The following ELP4 variants were observed in gnomAD, a reference collection of about 807,000 sequenced individuals.
ELP4 encodes elongator acetyltransferase complex subunit 4, also known as elongator complex protein 4.
ELP4 carries 51 observed loss-of-function variants against 48.9 expected under a neutral mutation model. That is an observed-to-expected ratio of 1.04 (90% confidence interval 0.83 to 1.32). The LOEUF (loss-of-function observed/expected upper bound fraction) is 1.32. Ranked by LOEUF, ELP4 falls within the 40% of genes most tolerant of loss-of-function variation. ELP4 has a pLI of 0.00. For synonymous variants in ELP4, 210 were observed against 189.2 expected, an observed-to-expected ratio of 1.11 and a Z score of -0.90; for missense variants, 519 against 514.6, an observed-to-expected ratio of 1.01 and a Z score of -0.08.
intron 9 of ELP4, among the ~76,000 whole-genome samples, chr11:31,757,224 G>C (rs1301537027): frequency 6.6e-6 from 1 of 152,170 alleles, no homozygotes; most frequent in Non-Finnish European, 1.5e-5. Flanking sequence ...GGAAAACCAT[G>C]GAAGGGGTTA....
chr11:31,677,741 A>G (rs1351916219), intron 9 of ELP4, among the ~76,000 whole-genome samples: 1 of 152,204 alleles, frequency 6.6e-6, no homozygotes, highest in Non-Finnish European at 1.5e-5. Flanking sequence ...ATTGAAAAGA[A>G]AATATAGAGT....
intron 4 of ELP4, among the ~76,000 whole-genome samples, chr11:31,597,433 G>A (rs2133993123): frequency 6.6e-6 from 1 of 152,260 alleles, no homozygotes; most frequent in Middle Eastern, 3.4e-3. Flanking sequence ...TGAGTTAAGT[G>A]ATAGAAATCA....
intron 9 of ELP4, among the ~76,000 whole-genome samples, chr11:31,766,139 A>G (rs1948034996): frequency 6.6e-6 from 1 of 152,110 alleles, no homozygotes; most frequent in South Asian, 2.1e-4. Context: ...TATTTTAAAT[A>G]CAGATTAAAC....
At chr11:31,593,067 A>G (rs532022729) in intron 3 of ELP4, among the ~76,000 whole-genome samples, 6 of 152,350 alleles carry the variant, frequency 3.9e-5, no homozygotes, top group South Asian at 2.1e-4. Context: ...TTGTTGCCCA[A>G]TATTGACAAT....
chr11:31,655,839 A>T (rs1006129658), intron 9 of ELP4, among the ~76,000 whole-genome samples: 1 of 152,048 alleles, frequency 6.6e-6, no homozygotes, highest in African/African-American at 2.4e-5. Context: ...GTGAAAGCTT[A>T]TTCCCTTTGA....
At chr11:31,773,033 C>T (rs552541309) in intron 9 of ELP4, among the ~76,000 whole-genome samples, 2 of 152,358 alleles carry the variant, frequency 1.3e-5, no homozygotes, top group Admixed American at 1.3e-4. Flanking sequence ...CAGAAGGTCA[C>T]CACTGGAGAG....
intron 9 of ELP4, among the ~76,000 whole-genome samples, chr11:31,700,225 T>TA (rs1946492981): frequency 1.3e-5 from 2 of 151,564 alleles, no homozygotes; most frequent in Admixed American, 1.3e-4. Flanking sequence ...ATCTATTTTT[T>TA]TAAAAAAAAA....
chr11:31,545,120 G>C (rs1254600160), intron 3 of ELP4, among the ~76,000 whole-genome samples: 3 of 152,190 alleles, frequency 2.0e-5, no homozygotes, highest in Non-Finnish European at 2.9e-5. Flanking sequence ...ACCAGCAATG[G>C]AACAAAGTTG....
chr11:31,543,465 A>G (rs10835781), intron 3 of ELP4, among the ~76,000 whole-genome samples: 97,615 of 151,870 alleles, frequency 0.64, 33,330 homozygotes, highest in African/African-American at 0.89. Context: ...GACTACAGGC[A>G]CCCACCACCA....
chr11:31,636,308 A>G (rs1944976161), intron 7 of ELP4, among the ~76,000 whole-genome samples: 1 of 152,004 alleles, frequency 6.6e-6, no homozygotes, highest in Admixed American at 6.6e-5. Context: ...GATATCCTTG[A>G]AAATTTTATC....
chr11:31,567,022 G>A (rs557235484), intron 3 of ELP4, among the ~76,000 whole-genome samples: 6 of 142,950 alleles, frequency 4.2e-5, no homozygotes, highest in East Asian at 2.0e-4. Flanking sequence ...TGGCAATGTA[G>A]TACTTCTTTA....
At chr11:31,780,688 C>A (rs1948352335) in intron 9 of ELP4, 1 of 152,204 alleles carries the variant, frequency 6.6e-6, no homozygotes, top group South Asian at 2.1e-4. Flanking sequence ...GGGCTTTCGG[C>A]CAACTGGCTC....
Position 31,790,117 on chromosome 11 carries a change from A to AAAAAAAAAAAT in ELP4, c.*6596_*6597insAAAAAAATAAA. 1.3e-6 allele frequency: 1 copy of AAAAAAAAAAAT among 779,982 alleles called. No individual in the cohort carries two copies. The highest frequency in any genetic ancestry group is 2.1e-6 in the Non-Finnish European group (1 of 477,860). The allele number at this position is 779,982 out of a possible 1,614,324, so 48.3% of individuals were successfully genotyped here. On this transcript the variant is annotated 3_prime_UTR_variant, in exon 10 of 10. Transcript: ENST00000640961. ...GTTTACAAAAAAAAAAAAAAAAAAA[A>AAAAAAAAAAAT]AAACTAATACTTTCTAACATTTTTT...
chr11:31,630,245 T>TA (rs397849359), intron 6 of ELP4, among the ~76,000 whole-genome samples: 13 of 147,846 alleles, frequency 8.8e-5, no homozygotes, highest in Middle Eastern at 3.5e-3. Flanking sequence ...TTTTTTTTTT[T>TA]ATAATTTCAT....
intron 9 of ELP4, among the ~76,000 whole-genome samples, chr11:31,771,180 A>G (rs1044851358): frequency 6.6e-6 from 1 of 152,170 alleles, no homozygotes; most frequent in African/African-American, 2.4e-5. Flanking sequence ...GCACGAGATT[A>G]AGAACCACCA....
At chr11:31,554,761 C>T (rs796483312) in intron 3 of ELP4, among the ~76,000 whole-genome samples, 1 of 152,132 alleles carries the variant, frequency 6.6e-6, no homozygotes, top group Non-Finnish European at 1.5e-5. Flanking sequence ...CACAACTACC[C>T]ACTCTGCTGT....
At chr11:31,604,880 T>A (rs1364356625) in intron 5 of ELP4, among the ~76,000 whole-genome samples, 1 of 152,004 alleles carries the variant, frequency 6.6e-6, no homozygotes, top group Non-Finnish European at 1.5e-5. Context: ...ATAACTACCA[T>A]TAATGTATTA....
intron 9 of ELP4, among the ~76,000 whole-genome samples, chr11:31,771,737 T>A (rs1424725535): frequency 6.6e-6 from 1 of 152,190 alleles, no homozygotes; most frequent in Non-Finnish European, 1.5e-5. Flanking sequence ...CCCAGCACTT[T>A]GGGAGGCCAA....
intron 1 of ELP4, among the ~76,000 whole-genome samples, chr11:31,516,136 T>C (rs569027718): frequency 9.9e-5 from 15 of 152,148 alleles, no homozygotes; most frequent in African/African-American, 3.1e-4. Flanking sequence ...TCTTTGCTTC[T>C]CTGTCTGTCC....
Sources: allele counts gnomAD v4.1 joint callset (sites outside exome capture counted in the v4.1 genomes callset), GRCh38; gene constraint gnomAD v4.1.1; transcripts MANE v1.5; gene names NCBI Gene and HGNC (gene_info 2026-07-23, HGNC 2026-07-21).